Variants in PDE1A observed in about 807,000 individuals in gnomAD.
PDE1A encodes the protein phosphodiesterase 1A.
In PDE1A, 35 loss-of-function variants were observed where a neutral mutation model predicts 61.7. The ratio of observed to expected loss-of-function variants is 0.57; its 90% CI spans 0.43 to 0.75. The LOEUF is 0.75. Among genes scored for constraint, PDE1A ranks in the 30% least tolerant of loss-of-function variants. The pLI, the probability that PDE1A is intolerant of heterozygous loss-of-function variation, is 0.00. For synonymous variants in PDE1A, 232 were observed against 213.2 expected, an observed-to-expected ratio of 1.09 and a Z score of -0.77; for missense variants, 597 against 630.6, an observed-to-expected ratio of 0.95 and a Z score of 0.57.
At chr2:182,309,367 T>C (rs1255288565) in intron 1 of PDE1A, among the ~76,000 whole-genome samples, 1 of 152,056 alleles carries the variant, frequency 6.6e-6, no homozygotes, top group African/African-American at 2.4e-5. Flanking sequence ...GGTAATCACA[T>C]ACACAAAAAT....
chr2:182,482,905 G>C (rs1030337062), intron 2 of PDE1A, among the ~76,000 whole-genome samples: 2 of 151,906 alleles, frequency 1.3e-5, no homozygotes, highest in Non-Finnish European at 2.9e-5. Flanking sequence ...CAGATTATCA[G>C]ACTGCACGCA....
At chr2:182,652,395 G>T in the PDE1A span, among the ~76,000 whole-genome samples, 1 of 152,004 alleles carries the variant, frequency 6.6e-6, no homozygotes, top group African/African-American at 2.4e-5. Context: ...GACCTCCTAC[G>T]ATCTGGATCC....
intron 2 of PDE1A, among the ~76,000 whole-genome samples, chr2:182,243,341 C>T (rs1246741267): frequency 6.6e-6 from 1 of 152,086 alleles, no homozygotes; most frequent in Non-Finnish European, 1.5e-5. Flanking sequence ...ATAAGATGAT[C>T]AGATAGTTAA....
At chr2:182,310,354 G>T (rs1000759876) in intron 1 of PDE1A, among the ~76,000 whole-genome samples, 2 of 152,150 alleles carry the variant, frequency 1.3e-5, no homozygotes, top group Middle Eastern at 3.2e-3. Context: ...CCTTCAGGGG[G>T]CTATGGAGGA....
intron 10 of PDE1A, among the ~76,000 whole-genome samples, chr2:182,191,167 C>T (rs1685655669): frequency 6.6e-6 from 1 of 152,000 alleles, no homozygotes; most frequent in Admixed American, 6.6e-5. Context: ...GAAAGGATTT[C>T]CACTTTTGAA....
chr2:182,426,050 C>T (rs920408495), intron 1 of PDE1A, among the ~76,000 whole-genome samples: 2 of 152,126 alleles, frequency 1.3e-5, no homozygotes, highest in Non-Finnish European at 2.9e-5. Flanking sequence ...CAGATTCCAC[C>T]ACAGTGTAAA....
chr2:182,357,571 AGT>A (rs2125142563), intron 1 of PDE1A, among the ~76,000 whole-genome samples: 1 of 152,308 alleles, frequency 6.6e-6, no homozygotes, highest in Non-Finnish European at 1.5e-5. Context: ...CATTGCAGAA[AGT>A]GTGTTTATTT....
At chr2:182,573,962 TA>T in the PDE1A span, among the ~76,000 whole-genome samples, 14,065 of 116,888 alleles carry the variant, frequency 0.12, 1,889 homozygotes, top group African/African-American at 0.34. Flanking sequence ...TATATTTATA[TA>T]TTTTTTTATA....
At chr2:182,342,304 T>C (rs1249344486) in intron 1 of PDE1A, among the ~76,000 whole-genome samples, 1 of 152,190 alleles carries the variant, frequency 6.6e-6, no homozygotes, top group Non-Finnish European at 1.5e-5. Context: ...CAGAGGTATA[T>C]TTGTAGGTTT....
At chr2:182,352,037 C>T (rs1698911005) in intron 1 of PDE1A, among the ~76,000 whole-genome samples, 1 of 152,170 alleles carries the variant, frequency 6.6e-6, no homozygotes, top group Non-Finnish European at 1.5e-5. Flanking sequence ...GAGATACAGA[C>T]CTTCATGGGT....
At chr2:182,584,740 T>G in the PDE1A span, among the ~76,000 whole-genome samples, 1 of 152,150 alleles carries the variant, frequency 6.6e-6, no homozygotes, top group East Asian at 1.9e-4. Flanking sequence ...CACTTGTGGT[T>G]GAGGCTCACC....
chr2:182,465,288 T>C (rs955422146), intron 2 of PDE1A, among the ~76,000 whole-genome samples: 1 of 152,124 alleles, frequency 6.6e-6, no homozygotes, highest in African/African-American at 2.4e-5. Flanking sequence ...ATATTGTAAA[T>C]GTCTATGCCT....
chr2:182,695,754 A>G, the PDE1A span, among the ~76,000 whole-genome samples: 2 of 152,158 alleles, frequency 1.3e-5, no homozygotes, highest in African/African-American at 4.8e-5. Context: ...CTTGCAAACA[A>G]TATATCTCAT....
intron 1 of PDE1A, among the ~76,000 whole-genome samples, chr2:182,378,598 A>G (rs528156489): frequency 6.6e-6 from 1 of 152,314 alleles, no homozygotes; most frequent in Non-Finnish European, 1.5e-5. Flanking sequence ...GCTGTGATAC[A>G]AATAATTATT....
At chr2:182,273,118 G>T (rs942632037) in intron 1 of PDE1A, among the ~76,000 whole-genome samples, 9 of 151,946 alleles carry the variant, frequency 5.9e-5, no homozygotes, top group Admixed American at 5.9e-4. Context: ...AAGAAGGAAG[G>T]ACTAAAAGAG....
chr2:182,399,906 T>G (rs1266436530), intron 1 of PDE1A, among the ~76,000 whole-genome samples: 1 of 152,156 alleles, frequency 6.6e-6, no homozygotes, highest in East Asian at 1.9e-4. Flanking sequence ...TAGATACTGA[T>G]GTTTTTATTC....
chr2:182,206,341 A>C (rs1687100369), intron 7 of PDE1A, among the ~76,000 whole-genome samples: 1 of 152,092 alleles, frequency 6.6e-6, no homozygotes, highest in Non-Finnish European at 1.5e-5. Context: ...AACCTCCCCC[A>C]TTGTCAACAT....
At chr2:182,425,424 C>T (rs1415841925) in intron 1 of PDE1A, among the ~76,000 whole-genome samples, 2 of 152,050 alleles carry the variant, frequency 1.3e-5, no homozygotes, top group Admixed American at 1.3e-4. Context: ...TTGCATAAGA[C>T]ACAAAAACAT....
At chr2:182,385,155 GA>G (rs1481094972) in intron 1 of PDE1A, among the ~76,000 whole-genome samples, 1 of 152,090 alleles carries the variant, frequency 6.6e-6, no homozygotes, top group Non-Finnish European at 1.5e-5. Context: ...TGTCTTACAA[GA>G]AACACTAAAG....
Sources: gnomAD v4.1 joint callset for allele counts (sites outside exome capture counted in the v4.1 genomes callset) on GRCh38, gnomAD v4.1.1 for gene constraint, MANE v1.5 for transcripts, NCBI Gene and HGNC (gene_info 2026-07-23, HGNC 2026-07-21) for gene names.